PRUNE2: variants seen among roughly 807,000 people sequenced by gnomAD.
PRUNE2 encodes prune homolog 2 with BCH domain.
Under a neutral mutation model 252.0 loss-of-function variants are expected in PRUNE2, and 164 were observed. The observed-to-expected ratio is 0.65, with a 90% CI of 0.57 to 0.74. PRUNE2 has a LOEUF of 0.74. Ranked by LOEUF, PRUNE2 falls within the 30% of genes least tolerant of loss-of-function variation. The pLI is 0.00. For missense variants in PRUNE2, 3,495 were observed against 3,711.0 expected (o/e 0.94, Z 1.51); for synonymous variants, 1,292 against 1,350.2 (o/e 0.96, Z 0.94).
At chr9:76,805,071 T>G (rs2056838020) in intron 6 of PRUNE2, among the ~76,000 whole-genome samples, 1 of 152,206 alleles carries the variant, frequency 6.6e-6, no homozygotes, top group South Asian at 2.1e-4. Context: ...CATCTGAGTC[T>G]CAGCCCCCAA....
chr9:76,651,870 T>C (rs1847544782), intron 11 of PRUNE2: 1 of 152,166 alleles, frequency 6.6e-6, no homozygotes, highest in Admixed American at 6.5e-5. Context: ...AGAAAGACAA[T>C]AAAGATGCAA....
intron 3 of PRUNE2, among the ~76,000 whole-genome samples, chr9:76,847,641 A>G (rs1372785440): frequency 6.6e-6 from 1 of 152,216 alleles, no homozygotes; most frequent in Non-Finnish European, 1.5e-5. Flanking sequence ...TCCTTCCACC[A>G]TTATTCTTCA....
chr9:76,704,702 T>G, intron 8 of PRUNE2, 59 bp downstream of exon 8: 1 of 1,161,756 alleles, frequency 8.6e-7, no homozygotes. Flanking sequence ...CTTACAAATA[T>G]GCACTAGTTT....
chr9:76,655,308 C>T (rs117659951), intron 10 of PRUNE2, 115 bp downstream of exon 10: 13,946 of 806,566 alleles, frequency 0.017, 180 homozygotes, highest in Non-Finnish European at 0.022. Context: ...TTTTTCCTCT[C>T]ACTGTTATCA....
intron 4 of PRUNE2, among the ~76,000 whole-genome samples, chr9:76,840,324 A>G (rs556098381): frequency 6.6e-6 from 1 of 152,276 alleles, no homozygotes; most frequent in East Asian, 1.9e-4. Context: ...GCTCAGAGCC[A>G]TACACAGGGC....
intron 6 of PRUNE2, chr9:76,780,011 C>A (rs965635294): frequency 6.6e-6 from 1 of 152,236 alleles, no homozygotes; most frequent in South Asian, 2.1e-4. Context: ...TAAAATCCAT[C>A]GTCAGACAAG....
chr9:76,712,851 G>C (rs2046844224), intron 7 of PRUNE2, among the ~76,000 whole-genome samples: 1 of 152,136 alleles, frequency 6.6e-6, no homozygotes, highest in Admixed American at 6.5e-5. Context: ...TGGAGCTCTT[G>C]GGGGACAGAA....
At chr9:76,640,668 C>T (rs1238490147) in intron 12 of PRUNE2, among the ~76,000 whole-genome samples, 1 of 152,118 alleles carries the variant, frequency 6.6e-6, no homozygotes, top group African/African-American at 2.4e-5. Flanking sequence ...TATCTTAATA[C>T]AAAAATTGCT....
chr9:76,860,887 G>A (rs1208923571), intron 1 of PRUNE2, among the ~76,000 whole-genome samples: 1 of 152,196 alleles, frequency 6.6e-6, no homozygotes, highest in African/African-American at 2.4e-5. Context: ...CTAGCTCCAA[G>A]TCAACCAGGG....
At chr9:76,686,215 T>C (rs1454375043) in intron 9 of PRUNE2, among the ~76,000 whole-genome samples, 2 of 152,210 alleles carry the variant, frequency 1.3e-5, no homozygotes, top group African/African-American at 4.8e-5. Flanking sequence ...AAATAATTGT[T>C]GTTCACAGAG....
intron 6 of PRUNE2, among the ~76,000 whole-genome samples, chr9:76,749,136 T>C (rs2050391824): frequency 6.6e-6 from 1 of 152,236 alleles, no homozygotes; most frequent in African/African-American, 2.4e-5. Flanking sequence ...CGGTTCCATG[T>C]AGAAACTAAA....
At chr9:76,664,626 T>G (rs2039775957) in intron 9 of PRUNE2, among the ~76,000 whole-genome samples, 1 of 152,148 alleles carries the variant, frequency 6.6e-6, no homozygotes, top group Non-Finnish European at 1.5e-5. Context: ...GTTCAAGTGA[T>G]TCTCCTGCCT....
At chr9:76,878,220 C>T (rs1480415412) in intron 1 of PRUNE2, among the ~76,000 whole-genome samples, 7 of 152,138 alleles carry the variant, frequency 4.6e-5, no homozygotes, top group Non-Finnish European at 8.8e-5. Context: ...CAAGCATTCT[C>T]TTTGAAGATG....
At chr9:76,867,591 C>T (rs905698184) in intron 1 of PRUNE2, among the ~76,000 whole-genome samples, 3 of 152,104 alleles carry the variant, frequency 2.0e-5, no homozygotes, top group Admixed American at 6.6e-5. Context: ...GTTGTTGAGA[C>T]GGAGTCTCAC....
At chr9:76,832,134 G>A (rs1195799159) in intron 4 of PRUNE2, among the ~76,000 whole-genome samples, 1 of 152,008 alleles carries the variant, frequency 6.6e-6, no homozygotes, top group African/African-American at 2.4e-5. Flanking sequence ...GAAAAGACTA[G>A]ATGAAAAATG....
chr9:76,619,908 T>A (rs1239501518), intron 17 of PRUNE2, among the ~76,000 whole-genome samples: 1 of 152,236 alleles, frequency 6.6e-6, no homozygotes, highest in Non-Finnish European at 1.5e-5. Flanking sequence ...CTGAGCTGTG[T>A]CCAGGTGATA....
intron 6 of PRUNE2, chr9:76,758,945 G>A (rs549869061): frequency 6.6e-6 from 1 of 152,278 alleles, no homozygotes; most frequent in Non-Finnish European, 1.5e-5. Context: ...GGGGCTCAGG[G>A]GGTTCAGACA....
intron 6 of PRUNE2, among the ~76,000 whole-genome samples, chr9:76,731,310 C>CTATCTATCTA (rs1373309272): frequency 2.2e-4 from 8 of 36,660 alleles, no homozygotes; most frequent in African/African-American, 5.7e-4. Flanking sequence ...ATCTATCTAT[C>CTATCTATCTA]TATATATATA....
At chr9:76,752,066 A>G (rs968617618) in intron 6 of PRUNE2, among the ~76,000 whole-genome samples, 1 of 150,552 alleles carries the variant, frequency 6.6e-6, no homozygotes, top group Non-Finnish European at 1.5e-5. Context: ...TATTTAGATC[A>G]ACGACTGACT....
Sources: allele counts gnomAD v4.1 joint callset (sites outside exome capture counted in the v4.1 genomes callset), GRCh38; gene constraint gnomAD v4.1.1; transcripts MANE v1.5; gene names NCBI Gene and HGNC (gene_info 2026-07-23, HGNC 2026-07-21).